Variants in BLM observed in about 807,000 individuals in gnomAD.
The protein encoded by BLM is recQ-like DNA helicase BLM.
A neutral mutation model predicts 135.3 loss-of-function variants in BLM; 95 were observed. The ratio of observed to expected loss-of-function variants is 0.70; its 90% CI spans 0.59 to 0.83. The LOEUF (loss-of-function observed/expected upper bound fraction) is 0.83, where lower values mean the gene tolerates loss of function less well. Ranked by LOEUF, BLM falls within the 40% of genes least tolerant of loss-of-function variation. The pLI is 0.00. For synonymous variants in BLM, 520 were observed against 589.2 expected (o/e 0.88, Z 1.70); for missense variants, 1,518 against 1,663.9 (o/e 0.91, Z 1.53).
At chr15:90,725,196 A>G (rs1252367821) in intron 1 of BLM, among the ~76,000 whole-genome samples, 2 of 152,110 alleles carry the variant, frequency 1.3e-5, no homozygotes, top group African/African-American at 2.4e-5. Context: ...GGCATAAGCC[A>G]CCACGCCCGG....
chr15:90,760,325 A>G, intron 6 of BLM, 46 bp downstream of exon 6: 1 of 1,610,562 alleles, frequency 6.2e-7, no homozygotes, highest in Non-Finnish European at 8.5e-7. Flanking sequence ...TTATATTTCT[A>G]CCACTCTAAG....
chr15:90,759,803 C>T (rs572174317), intron 5 of BLM, among the ~76,000 whole-genome samples: 2 of 151,782 alleles, frequency 1.3e-5, no homozygotes, highest in South Asian at 4.2e-4. Flanking sequence ...GACGGGGTTT[C>T]ACCACATTGG....
chr15:90,772,058 C>T (rs1461191118), intron 12 of BLM, among the ~76,000 whole-genome samples: 2 of 152,156 alleles, frequency 1.3e-5, no homozygotes, highest in Admixed American at 6.5e-5. Context: ...AAAATGTAGG[C>T]ATGTCTGTTG....
rs1195692705 is a variant in BLM, at chr15:90,766,969, CCA to C, written c.2254_2255del (p.Gln752ValfsTer22). 1 of 1,605,640 alleles carries C rather than the reference CCA, an allele frequency of 6.2e-7. No individual in the cohort carries two copies. The highest frequency in any genetic ancestry group is 1.7e-5 in the Admixed American group (1 of 59,864). Reference sequence around the variant, plus strand: ...ACTCAGAAGCTACAAATATTTACCTCCAGTTATCAAAAAAAGACCCAATCATA... The same window carrying C: ...ACTCAGAAGCTACAAATATTTACCTCGTTATCAAAAAAAGACCCAATCATA... Reference protein sequence around the residue: ...TDSEATNIYLQLSKKDPIIKL... With the variant: ...TDSEATNIYLXLSKKDPIIKL... On this transcript the variant is annotated frameshift_variant, in exon 10 of 22. Coordinates refer to ENST00000355112, the MANE Select transcript of BLM (RefSeq NM_000057.4). LOFTEE classifies it high-confidence loss of function.
intron 20 of BLM, 106 bp from the exon 21 acceptor site, chr15:90,811,099 T>C: frequency 1.7e-6 from 2 of 1,162,590 alleles, no homozygotes; most frequent in Non-Finnish European, 2.6e-6. Context: ...GGGAAGCAGC[T>C]AGGTATCTGC....
intron 17 of BLM, among the ~76,000 whole-genome samples, chr15:90,801,029 A>G (rs1028974748): frequency 1.3e-5 from 2 of 152,068 alleles, no homozygotes; most frequent in Admixed American, 6.6e-5. Context: ...TGCACCTGTA[A>G]TCCCAGCTAC....
intron 1 of BLM, among the ~76,000 whole-genome samples, chr15:90,728,819 C>G (rs1894987035): frequency 6.6e-6 from 1 of 152,134 alleles, no homozygotes; most frequent in Non-Finnish European, 1.5e-5. Flanking sequence ...CTCCAGCAGT[C>G]TTCCTAAACA....
At chr15:90,753,301 G>A (rs1168376314) in intron 4 of BLM, among the ~76,000 whole-genome samples, 1 of 152,100 alleles carries the variant, frequency 6.6e-6, no homozygotes, top group Non-Finnish European at 1.5e-5. Context: ...AATTCTGACT[G>A]TTTTCTTTAT....
At chr15:90,778,451 A>G (rs1896533260) in intron 12 of BLM, among the ~76,000 whole-genome samples, 1 of 152,222 alleles carries the variant, frequency 6.6e-6, no homozygotes, top group Non-Finnish European at 1.5e-5. Flanking sequence ...GAATTGTACA[A>G]CCATTGCCAG....
intron 1 of BLM, among the ~76,000 whole-genome samples, chr15:90,725,256 AGT>A (rs1352858685): frequency 6.6e-6 from 1 of 152,028 alleles, no homozygotes; most frequent in Non-Finnish European, 1.5e-5. Flanking sequence ...TAGGTCAAAG[AGT>A]GTGTATGTTT....
rs375726147 is a variant in BLM at position 90,759,842 on chromosome 15, G to T, written c.1088-305G>T. On this transcript the variant is annotated intron_variant, in intron 5 of 21. Transcript: ENST00000355112. The stretch of plus-strand genomic sequence containing the variant: ...GGCTGGTCTCGAACTCCTGACCTCA[G>T]GTGATCTACCCTTCTTGGCCTCCCA... 21 of 293,734 alleles carry T rather than the reference G, an allele frequency of 7.1e-5. No homozygotes were observed. In the South Asian group the frequency reaches 7.3e-4, roughly 10 times the overall value. The allele number at this position is 293,734 out of a possible 1,614,324, so 18.2% of individuals were successfully genotyped here. A position where few individuals can be genotyped will look rare whatever the true frequency, so the allele number is the denominator to read the frequency against.
chr15:90,724,108 G>A (rs929923485), intron 1 of BLM, among the ~76,000 whole-genome samples: 17 of 152,072 alleles, frequency 1.1e-4, no homozygotes, highest in African/African-American at 3.4e-4. Context: ...TAACTCCTGG[G>A]CTCAGATGAT....
chr15:90,723,210 A>G (rs1894815510), intron 1 of BLM, among the ~76,000 whole-genome samples: 1 of 152,114 alleles, frequency 6.6e-6, no homozygotes, highest in Non-Finnish European at 1.5e-5. Context: ...TACATCTATA[A>G]ATAATATAGC....
At chr15:90,809,397 T>C (rs1431709267) in intron 20 of BLM, 138 bp downstream of exon 20, 54 of 1,394,238 alleles carry the variant, frequency 3.9e-5, no homozygotes, top group Non-Finnish European at 5.4e-5. Context: ...CCCAGTGGTG[T>C]GCCAGTCACC....
chr15:90,756,188 C>G (rs1423104458), intron 5 of BLM, among the ~76,000 whole-genome samples: 1 of 151,988 alleles, frequency 6.6e-6, no homozygotes, highest in Non-Finnish European at 1.5e-5. Flanking sequence ...ACTGCAGCCT[C>G]CGCCTTCCAG....
chr15:90,767,119 G>T (rs1206693509), intron 10 of BLM, 96 bp downstream of exon 10: 2 of 740,546 alleles, frequency 2.7e-6, no homozygotes, highest in Non-Finnish European at 4.3e-6. Flanking sequence ...GTAGTGCAAA[G>T]AATTTTTGTA....
At chr15:90,756,319 G>A (rs779626902) in intron 5 of BLM, among the ~76,000 whole-genome samples, 1 of 152,146 alleles carries the variant, frequency 6.6e-6, no homozygotes, top group Non-Finnish European at 1.5e-5. Context: ...TAGCCAGGAT[G>A]GTCTTGATCT....
chr15:90,773,765 G>A (rs1303976722), intron 12 of BLM, among the ~76,000 whole-genome samples: 1 of 152,014 alleles, frequency 6.6e-6, no homozygotes, highest in Non-Finnish European at 1.5e-5. Context: ...CTTTCACTGA[G>A]CATGTTTTTA....
At chr15:90,789,671 G>T (rs1296685771) in intron 14 of BLM, among the ~76,000 whole-genome samples, 1 of 152,112 alleles carries the variant, frequency 6.6e-6, no homozygotes, top group Non-Finnish European at 1.5e-5. Flanking sequence ...AGAGCTTGCA[G>T]TTCCTTCCGC....
Sources: allele counts gnomAD v4.1 joint callset (sites outside exome capture counted in the v4.1 genomes callset), GRCh38; gene constraint gnomAD v4.1.1; transcripts MANE v1.5; gene names NCBI Gene and HGNC (gene_info 2026-07-23, HGNC 2026-07-21).